Variants in IQSEC2 observed in about 807,000 individuals in gnomAD.
The protein encoded by IQSEC2 is IQ motif and SEC7 domain-containing protein 2.
A neutral mutation model predicts 74.6 loss-of-function variants in IQSEC2; 6 were observed. The observed-to-expected ratio is 0.08, with a 90% confidence interval of 0.04 to 0.16. The LOEUF (loss-of-function observed/expected upper bound fraction) is 0.16. IQSEC2 is among the 10% of genes least tolerant of loss of function. IQSEC2 has a pLI of 1.00. For missense variants in IQSEC2, 734 were observed against 1,306.2 expected (o/e 0.56, Z 6.75); for synonymous variants, 494 against 544.5 (o/e 0.91, Z 1.29).
chrX:53,293,206 T>C (rs782353999), intron 1 of IQSEC2, among the ~76,000 whole-genome samples: 147 of 112,254 alleles, frequency 1.3e-3, no homozygotes, highest in Non-Finnish European at 2.4e-3. Flanking sequence ...ACCACAGCAC[T>C]CCCGGTTCCA....
At chrX:53,291,678 G>T (rs1451443287) in intron 2 of IQSEC2, among the ~76,000 whole-genome samples, 1 of 111,163 alleles carries the variant, frequency 9.0e-6, no homozygotes, top group African/African-American at 3.3e-5. Flanking sequence ...ACTAGTGTCA[G>T]AAAGACTAAG....
At chrX:53,232,690 G>A (rs972808700), downstream of IQSEC2, among the ~76,000 whole-genome samples, 3 of 111,453 alleles carry the variant, frequency 2.7e-5, no homozygotes, top group Non-Finnish European at 5.7e-5. Context: ...CCACTCTGTC[G>A]CACAAACTGT....
chrX:53,263,620 T>C (rs1256521477), intron 2 of IQSEC2, among the ~76,000 whole-genome samples: 3 of 107,200 alleles, frequency 2.8e-5, no homozygotes, highest in African/African-American at 1.1e-4. Flanking sequence ...GAATGTCTTC[T>C]GTCTCCCCTT....
At chrX:53,295,768 TTGCCTCTTGAC>T (rs1210811619) in intron 1 of IQSEC2, among the ~76,000 whole-genome samples, 3 of 110,678 alleles carry the variant, frequency 2.7e-5, no homozygotes, top group Non-Finnish European at 5.7e-5. Context: ...GTTTCTGCCC[TTGCCTCTTGAC>T]TAGATTTCCT....
At position 53,254,725 on chromosome X, in the gene IQSEC2, G is replaced by A; in HGVS notation, c.1206C>T (p.Asn402=). 8.3e-7 allele frequency: 1 copy of A among 1,206,694 alleles called. No individual in the cohort carries two copies. Among genetic ancestry groups the A allele is most frequent in the Non-Finnish European group, 1.1e-6 (1 of 892,713 alleles). The change falls in exon 4 of 15, where the codon AAC becomes AAT. Residue 402 remains asparagine, a synonymous_variant. Transcript: ENST00000642864. ...FSFEEYEKAQ[N]PAYFEGKPAS... The stretch of plus-strand genomic sequence containing the variant: ...CAGGCTTGCCCTCGAAGTACGCGGG[G>A]TTCTGTGCCTTCTCATACTCCTCAA...
chrX:53,235,064 G>A lies in IQSEC2; in HGVS notation c.3622C>T (p.Leu1208=). Residue 1208 remains leucine, a synonymous_variant, in exon 15 of 15, where the codon CTA becomes TTA. Coordinates refer to ENST00000642864, the MANE Select transcript of IQSEC2 (RefSeq NM_001111125.3). ...CCCTTGCCCCGCTTGCTTCCAAATA[G>A]GGAGCCCAGGAAGGATGAGGAGTTG... ...VSNSSSFLGS[L]FGSKRGKGPF... is the part of the protein sequence containing the mutation. 8.6e-7 allele frequency: 1 copy of A among 1,165,011 alleles called. No individual in the cohort carries two copies. The highest frequency in any genetic ancestry group is 1.1e-6 in the Non-Finnish European group (1 of 872,214).
At chrX:53,310,403 A>G (rs2075310461) in intron 1 of IQSEC2, among the ~76,000 whole-genome samples, 1 of 53,456 alleles carries the variant, frequency 1.9e-5, no homozygotes, top group Non-Finnish European at 6.4e-5. Flanking sequence ...AAGCAAGCAA[A>G]CAAACAAACA....
intron 2 of IQSEC2, among the ~76,000 whole-genome samples, chrX:53,291,572 A>T (rs2075100497): frequency 9.0e-6 from 1 of 111,189 alleles, no homozygotes; most frequent in African/African-American, 3.3e-5. Context: ...TGGGAGGAGA[A>T]GGTGGAAAAG....
At chrX:53,278,783 A>G (rs2074886404) in intron 2 of IQSEC2, among the ~76,000 whole-genome samples, 1 of 112,387 alleles carries the variant, frequency 8.9e-6, no homozygotes, top group African/African-American at 3.2e-5. Flanking sequence ...TAAACTTTCA[A>G]ATAGGGAGGA....
At position 53,255,827 on chromosome X, in the gene IQSEC2, T is replaced by C. The variant is rs782351452; in HGVS notation, c.972A>G (p.Glu324=). The change falls in exon 3 of 15, where the codon GAA becomes GAG. Residue 324 remains glutamate, a synonymous_variant. Transcript: ENST00000642864. ...KRSKALSDSY[E]LSTDLQDKKV... ...TCTTGTCCTGCAGGTCTGTGGAGAGTTCATAGCTGTCCGATAGGGCCTTGG... is the reference window on the plus strand; with the variant it reads ...TCTTGTCCTGCAGGTCTGTGGAGAGCTCATAGCTGTCCGATAGGGCCTTGG... 8.3e-7 allele frequency: 1 copy of C among 1,211,234 alleles called. No homozygotes were observed. Among genetic ancestry groups the C allele is most frequent in the Non-Finnish European group, 1.1e-6 (1 of 895,289 alleles).
At chrX:53,264,013 AC>A (rs2147168754) in intron 2 of IQSEC2, among the ~76,000 whole-genome samples, 1 of 112,179 alleles carries the variant, frequency 8.9e-6, no homozygotes, top group South Asian at 3.7e-4. Flanking sequence ...TGTGTGTGTG[AC>A]CATCCTGCCT....
intron 2 of IQSEC2, among the ~76,000 whole-genome samples, chrX:53,277,975 T>C (rs2074864520): frequency 9.6e-6 from 1 of 104,701 alleles, no homozygotes; most frequent in Admixed American, 1.1e-4. Context: ...CCAACCAATA[T>C]TTTCTTTTTT....
chrX:53,241,903 A>G lies in IQSEC2; in HGVS notation c.2896T>C (p.Ser966Pro). 1 of 1,208,664 alleles carries G rather than the reference A, an allele frequency of 8.3e-7. No homozygotes were observed. Among genetic ancestry groups the G allele is most frequent in the Non-Finnish European group, 1.1e-6 (1 of 894,025 alleles). Reference protein sequence around the residue: ...RMIVGKKPVLSLPHRRLVCCC... With the variant: ...RMIVGKKPVLPLPHRRLVCCC... Reference sequence around the variant, plus strand: ...CAAACCAGTCGACGGTGAGGGAGAGACAGGACCTAGACAGGCATGAAGAAA... The same window carrying G: ...CAAACCAGTCGACGGTGAGGGAGAGGCAGGACCTAGACAGGCATGAAGAAA... The change falls in exon 10 of 15, where the codon TCT (serine) becomes CCT (proline). Residue 966 changes from serine to proline, a missense_variant. Around this residue, in one of 12 missense-constraint regions of IQSEC2, gnomAD observed 249 missense variants for 467.9 expected, o/e 0.53. Transcript: ENST00000642864.
chrX:53,264,602 G>A (rs1269707267), intron 2 of IQSEC2, among the ~76,000 whole-genome samples: 4 of 108,914 alleles, frequency 3.7e-5, no homozygotes, highest in African/African-American at 1.0e-4. Flanking sequence ...ACCCTGGAGC[G>A]CTCCCCCAGG....
At chrX:53,302,947 A>G (rs1556875777) in intron 1 of IQSEC2, among the ~76,000 whole-genome samples, 1 of 111,905 alleles carries the variant, frequency 8.9e-6, no homozygotes, top group Non-Finnish European at 1.9e-5. Flanking sequence ...GTGTGCCTAT[A>G]GTCCCAGCTA....
chrX:53,316,172 C>A (rs1326990652), intron 1 of IQSEC2, among the ~76,000 whole-genome samples: 1 of 111,915 alleles, frequency 8.9e-6, no homozygotes, highest in East Asian at 2.8e-4. Flanking sequence ...CCTCGTGGCC[C>A]CTCCTGCGCT....
At chrX:53,278,785 T>C (rs2074886475) in intron 2 of IQSEC2, among the ~76,000 whole-genome samples, 1 of 112,562 alleles carries the variant, frequency 8.9e-6, no homozygotes, top group Non-Finnish European at 1.9e-5. Context: ...AACTTTCAAA[T>C]AGGGAGGAGG....
intron 2 of IQSEC2, among the ~76,000 whole-genome samples, chrX:53,291,108 C>G (rs1020418243): frequency 1.8e-5 from 2 of 111,444 alleles, no homozygotes; most frequent in Non-Finnish European, 3.8e-5. Flanking sequence ...GATGTTAAGG[C>G]TGAGTGGGTC....
intron 2 of IQSEC2, among the ~76,000 whole-genome samples, chrX:53,278,789 G>A (rs1924022117): frequency 1.8e-5 from 2 of 111,970 alleles, no homozygotes; most frequent in Non-Finnish European, 3.8e-5. Context: ...TTCAAATAGG[G>A]AGGAGGGCCT....
Sources: gnomAD v4.1 joint callset for allele counts (sites outside exome capture counted in the v4.1 genomes callset) on GRCh38, gnomAD v4.1.1 for gene constraint, gnomAD v4.1.1 regional missense constraint, MANE v1.5 for transcripts, NCBI Gene and HGNC (gene_info 2026-07-23, HGNC 2026-07-21) for gene names.